The following CENPP variants were observed in gnomAD, a reference collection of about 807,000 sequenced individuals.
The protein encoded by CENPP is centromere protein P.
CENPP carries 24 observed loss-of-function variants against 35.6 expected under a neutral mutation model. That is an observed-to-expected ratio of 0.67 (90% CI 0.49 to 0.95). CENPP has a LOEUF of 0.95. Ranked by LOEUF, CENPP falls within the 40% of genes least tolerant of loss-of-function variation. The probability of loss-of-function intolerance (pLI) is 0.00; values close to 1 mark genes in which losing one functional copy is unlikely to be tolerated. For synonymous variants in CENPP, 120 were observed against 125.5 expected (o/e 0.96, Z 0.29); for missense variants, 332 against 345.3 (o/e 0.96, Z 0.31).
At chr9:92,331,232 G>A (rs1357470109) in intron 1 of CENPP, among the ~76,000 whole-genome samples, 1 of 151,948 alleles carries the variant, frequency 6.6e-6, no homozygotes, top group Non-Finnish European at 1.5e-5. Context: ...CCAGGTTGGA[G>A]TGCAGTGGCA....
intron 5 of CENPP, among the ~76,000 whole-genome samples, chr9:92,518,153 T>C (rs1372988564): frequency 6.6e-6 from 1 of 152,216 alleles, no homozygotes; most frequent in East Asian, 1.9e-4. Context: ...TCAGGATAGA[T>C]TAAATTATAC....
chr9:92,575,229 T>G (rs1470765236), intron 5 of CENPP, among the ~76,000 whole-genome samples: 3 of 152,150 alleles, frequency 2.0e-5, no homozygotes, highest in African/African-American at 7.2e-5. Context: ...AATGTAAAAG[T>G]TTTGTGTACT....
chr9:92,514,934 TTC>T, intron 5 of CENPP: 1 of 1,614,028 alleles, frequency 6.2e-7, no homozygotes, highest in Non-Finnish European at 8.5e-7. Context: ...GGCCTCTGCT[TTC>T]TGTCTCCTCC....
chr9:92,556,566 G>A (rs1849728011), intron 5 of CENPP, among the ~76,000 whole-genome samples: 1 of 152,164 alleles, frequency 6.6e-6, no homozygotes, highest in Non-Finnish European at 1.5e-5. Context: ...GTTGGACAAG[G>A]CCTTTTACCA....
intron 5 of CENPP, among the ~76,000 whole-genome samples, chr9:92,532,015 G>GTGTTTTTTTTTTT (rs1848797091): frequency 1.0e-5 from 1 of 95,736 alleles, no homozygotes; most frequent in Non-Finnish European, 1.9e-5. Flanking sequence ...TTTATTTAAT[G>GTGTTTTTTTTTTT]TTTTTTTTTT....
At chr9:92,326,212 T>A in intron 1 of CENPP, 107 bp downstream of exon 1, 1 of 745,080 alleles carries the variant, frequency 1.3e-6, no homozygotes, top group Non-Finnish European at 2.2e-6. Flanking sequence ...CCCTAGAAAG[T>A]GGGCATGAAC....
intron 4 of CENPP, among the ~76,000 whole-genome samples, chr9:92,367,973 TGTTA>T (rs1383495864): frequency 1.3e-5 from 2 of 152,226 alleles, no homozygotes; most frequent in Admixed American, 6.5e-5. Flanking sequence ...AGCCTACCAT[TGTTA>T]GTTGTTGCTT....
intron 5 of CENPP, among the ~76,000 whole-genome samples, chr9:92,545,029 A>G (rs1293403510): frequency 6.6e-6 from 1 of 152,188 alleles, no homozygotes; most frequent in Non-Finnish European, 1.5e-5. Flanking sequence ...CATCTTACAA[A>G]TTCTTAAAGC....
chr9:92,503,107 C>A (rs1846790450), intron 5 of CENPP, among the ~76,000 whole-genome samples: 2 of 151,978 alleles, frequency 1.3e-5, no homozygotes, highest in Admixed American at 6.6e-5. Flanking sequence ...AATTTTATAA[C>A]TAATTAGTAA....
chr9:92,509,018 G>A (rs1588200786), intron 5 of CENPP, among the ~76,000 whole-genome samples: 1 of 151,844 alleles, frequency 6.6e-6, no homozygotes, highest in South Asian at 2.1e-4. Flanking sequence ...TAGAATTCAT[G>A]AAAAGTAAAA....
chr9:92,417,406 G>A (rs761809045), intron 5 of CENPP: 53 of 1,613,994 alleles, frequency 3.3e-5, no homozygotes, highest in South Asian at 2.5e-4. Flanking sequence ...AAGGAACTCC[G>A]TAGTCTACAT....
At chr9:92,396,033 T>G (rs1169829462) in intron 5 of CENPP, among the ~76,000 whole-genome samples, 1 of 152,182 alleles carries the variant, frequency 6.6e-6, no homozygotes, top group Non-Finnish European at 1.5e-5. Flanking sequence ...GGCTAATTTT[T>G]ATATATGGTG....
chr9:92,584,732 T>C (rs1199962623), intron 5 of CENPP, among the ~76,000 whole-genome samples: 1 of 152,250 alleles, frequency 6.6e-6, no homozygotes, highest in Non-Finnish European at 1.5e-5. Context: ...CCTAAAGCTC[T>C]AGAGTCTTTA....
At position 92,616,039 on chromosome 9, in the gene CENPP, G is replaced by C; in HGVS notation, c.*2890G>C. The stretch of plus-strand genomic sequence containing the variant: ...CAAACCTGGACCTCGATGAAGGGAC[G>C]ACAGGCCTTTGATCAGAGCTGCAAG... On this transcript the variant is annotated 3_prime_UTR_variant, in exon 8 of 8. Coordinates refer to ENST00000375587, the MANE Select transcript of CENPP (RefSeq NM_001012267.3). 6.2e-7 allele frequency: 1 copy of C among 1,613,806 alleles called. No individual in the cohort carries two copies. Among genetic ancestry groups the C allele is most frequent in the South Asian group, 1.1e-5 (1 of 91,006 alleles).
chr9:92,588,394 C>T (rs967778252), intron 5 of CENPP, among the ~76,000 whole-genome samples: 1 of 151,300 alleles, frequency 6.6e-6, no homozygotes, highest in Non-Finnish European at 1.5e-5. Flanking sequence ...ACTACAGACG[C>T]CCGGCACCAC....
intron 5 of CENPP, chr9:92,514,490 G>A (rs1847559073): frequency 8.8e-7 from 1 of 1,135,518 alleles, no homozygotes; most frequent in African/African-American, 1.6e-5. Context: ...GTCCAGGCTG[G>A]TCTCAAACCC....
At chr9:92,478,990 G>C (rs968970284) in intron 5 of CENPP, among the ~76,000 whole-genome samples, 1 of 152,162 alleles carries the variant, frequency 6.6e-6, no homozygotes, top group African/African-American at 2.4e-5. Context: ...ACTGGCCTCA[G>C]CTCCTTTGCA....
At chr9:92,517,638 G>A (rs772251530) in intron 5 of CENPP, 9 of 1,605,684 alleles carry the variant, frequency 5.6e-6, no homozygotes, top group South Asian at 2.2e-5. Context: ...ACAAATGGAA[G>A]TTAAAGATTA....
intron 6 of CENPP, among the ~76,000 whole-genome samples, chr9:92,611,600 G>A (rs1332359217): frequency 6.6e-6 from 1 of 152,166 alleles, no homozygotes; most frequent in East Asian, 1.9e-4. Context: ...GCCGCAGGGG[G>A]AAAACGCCAG....
Sources: gnomAD v4.1 joint callset for allele counts (sites outside exome capture counted in the v4.1 genomes callset) on GRCh38, gnomAD v4.1.1 for gene constraint, MANE v1.5 for transcripts, NCBI Gene and HGNC (gene_info 2026-07-23, HGNC 2026-07-21) for gene names.